Variants in VPS8 observed in about 807,000 individuals in gnomAD.
VPS8 encodes the protein VPS8 subunit of CORVET complex.
VPS8 carries 129 observed loss-of-function variants against 216.4 expected under a neutral mutation model. The ratio of observed to expected loss-of-function variants is 0.60; its 90% CI spans 0.52 to 0.69. The LOEUF (loss-of-function observed/expected upper bound fraction) is 0.69. VPS8 is among the 30% of genes least tolerant of loss of function. The pLI, the probability that VPS8 is intolerant of heterozygous loss-of-function variation, is 0.00. For synonymous variants in VPS8, 571 were observed against 565.4 expected, an observed-to-expected ratio of 1.01 and a Z score of -0.14; for missense variants, 1,531 against 1,683.5, an observed-to-expected ratio of 0.91 and a Z score of 1.59.
intron 40 of VPS8, 86 bp from the exon 41 acceptor site, chr3:184,982,479 AC>A: frequency 1.1e-6 from 1 of 938,812 alleles, no homozygotes; most frequent in Non-Finnish European, 1.7e-6. Flanking sequence ...AACCTGTAAA[AC>A]ATCATGCTGA....
At chr3:185,041,683 G>T (rs1471480257) in intron 46 of VPS8, among the ~76,000 whole-genome samples, 1 of 152,188 alleles carries the variant, frequency 6.6e-6, no homozygotes, top group African/African-American at 2.4e-5. Flanking sequence ...TCAGTAGGCC[G>T]TTCTTAATTG....
intron 29 of VPS8, among the ~76,000 whole-genome samples, chr3:184,920,560 G>A (rs547609932): frequency 5.3e-5 from 8 of 152,300 alleles, no homozygotes; most frequent in African/African-American, 1.9e-4. Context: ...ACTTCACTTT[G>A]TTGCTAAGGC....
intron 29 of VPS8, among the ~76,000 whole-genome samples, chr3:184,921,235 T>C (rs1278406002): frequency 6.6e-6 from 1 of 152,220 alleles, no homozygotes; most frequent in African/African-American, 2.4e-5. Flanking sequence ...ATTTTTCTCA[T>C]AGAAGTCTGG....
chr3:184,833,568 T>C (rs1720453787), intron 4 of VPS8, among the ~76,000 whole-genome samples: 1 of 152,170 alleles, frequency 6.6e-6, no homozygotes, highest in Non-Finnish European at 1.5e-5. Flanking sequence ...TTAAAAGATA[T>C]GGTATCATCT....
intron 1 of VPS8, 174 bp downstream of exon 1, chr3:184,812,399 A>G (rs1715318848): frequency 6.6e-6 from 1 of 152,020 alleles, no homozygotes; most frequent in South Asian, 2.1e-4. Flanking sequence ...ACCGGACCCG[A>G]GCCACGGGCC....
intron 37 of VPS8, among the ~76,000 whole-genome samples, chr3:184,961,721 CT>C (rs34091156): frequency 0.098 from 14,157 of 143,802 alleles, 2,182 homozygotes; most frequent in African/African-American, 0.33. Flanking sequence ...TATAAGTTGC[CT>C]TTTTTTTTTT....
intron 46 of VPS8, among the ~76,000 whole-genome samples, chr3:185,047,344 G>A (rs1053335963): frequency 6.6e-6 from 1 of 151,086 alleles, no homozygotes; most frequent in Admixed American, 6.6e-5. Context: ...TGTAGCTATA[G>A]TCATTATCCC....
chr3:184,879,074 A>G (rs1181173494), intron 21 of VPS8, among the ~76,000 whole-genome samples: 1 of 152,180 alleles, frequency 6.6e-6, no homozygotes, highest in Non-Finnish European at 1.5e-5. Context: ...TGCATCTGTT[A>G]TTTCTTTTCA....
At chr3:184,859,696 T>A (rs1725915997) in intron 14 of VPS8, among the ~76,000 whole-genome samples, 1 of 152,226 alleles carries the variant, frequency 6.6e-6, no homozygotes, top group African/African-American at 2.4e-5. Context: ...ATTGATGTGA[T>A]AAAGTTAGGT....
intron 22 of VPS8, among the ~76,000 whole-genome samples, chr3:184,888,040 T>G (rs1189703322): frequency 6.6e-6 from 1 of 150,918 alleles, no homozygotes; most frequent in Non-Finnish European, 1.5e-5. Flanking sequence ...CAGGCTGGAG[T>G]GCAGTGGCGT....
intron 45 of VPS8, among the ~76,000 whole-genome samples, chr3:185,020,563 C>G (rs1057393471): frequency 6.6e-6 from 1 of 151,780 alleles, no homozygotes; most frequent in Non-Finnish European, 1.5e-5. Flanking sequence ...CTGGACCTCC[C>G]GGGCTCAAGC....
intron 43 of VPS8, among the ~76,000 whole-genome samples, chr3:184,994,318 A>G (rs1218790118): frequency 2.0e-5 from 3 of 152,042 alleles, no homozygotes; most frequent in Non-Finnish European, 4.4e-5. Context: ...TCCAGGCAAC[A>G]TAGCAAGACT....
rs901061427 is a variant in VPS8 at position 185,051,998 on chromosome 3, C to T, written c.4260C>T (p.Leu1420=). 2.7e-5 allele frequency: 43 copies of T among 1,613,074 alleles called. No individual in the cohort carries two copies. The highest frequency in any genetic ancestry group is 3.6e-5 in the Non-Finnish European group (42 of 1,179,628). Residue 1420 remains leucine (L), a synonymous_variant, in exon 48 of 48, where the codon CTC becomes CTT. Coordinates refer to ENST00000625842, the MANE Select transcript of VPS8 (RefSeq NM_001009921.3). ...AGAATGAGAACTTCCAGCTGCAGCTCATTCCTCCACCTGTGACTGAGGATT... is the reference window on the plus strand; with the variant it reads ...AGAATGAGAACTTCCAGCTGCAGCTTATTCCTCCACCTGTGACTGAGGATT... ...IFQNENFQLQ[L]IPPPVTED
chr3:184,886,894 T>G (rs2108878252), intron 22 of VPS8, among the ~76,000 whole-genome samples: 1 of 152,332 alleles, frequency 6.6e-6, no homozygotes, highest in Non-Finnish European at 1.5e-5. Context: ...TATATGCTTT[T>G]ATGAACCATC....
Position 184,838,708 on chromosome 3 carries a change from A to G in VPS8, c.448-6A>G, listed in dbSNP as rs1721569722. On this transcript the variant is annotated splice_region_variant and splice_polypyrimidine_tract_variant and intron_variant, in intron 5 of 47. Transcript: ENST00000625842. The stretch of plus-strand genomic sequence containing the variant: ...TTTCAAATACTTTCTTTAAAATTTC[A>G]TTTAGGACAAAGTAGATGCTGGCTT... 6.5e-7 allele frequency: 1 copy of G among 1,538,288 alleles called. No homozygotes were observed. Among genetic ancestry groups the G allele is most frequent in the Non-Finnish European group, 8.7e-7 (1 of 1,143,036 alleles).
intron 22 of VPS8, among the ~76,000 whole-genome samples, chr3:184,891,089 T>C (rs1383307686): frequency 6.6e-6 from 1 of 152,148 alleles, no homozygotes; most frequent in African/African-American, 2.4e-5. Context: ...TATGTGATTA[T>C]ATGTGAATTA....
At chr3:185,050,840 G>A (rs1210060896) in intron 47 of VPS8, among the ~76,000 whole-genome samples, 1 of 152,090 alleles carries the variant, frequency 6.6e-6, no homozygotes, top group African/African-American at 2.4e-5. Flanking sequence ...TGGCCTCCAT[G>A]TGAGCCTACA....
intron 46 of VPS8, among the ~76,000 whole-genome samples, chr3:185,036,353 T>C (rs1034202273): frequency 1.3e-5 from 2 of 152,148 alleles, no homozygotes; most frequent in Non-Finnish European, 2.9e-5. Context: ...ATACCTGACT[T>C]CAAACTATAC....
intron 24 of VPS8, 94 bp from the exon 25 acceptor site, chr3:184,900,827 A>G: frequency 1.9e-6 from 2 of 1,063,818 alleles, no homozygotes; most frequent in East Asian, 2.5e-5. Context: ...GACTAATTCC[A>G]TTAGCGAATG....
Sources: allele counts gnomAD v4.1 joint callset (sites outside exome capture counted in the v4.1 genomes callset), GRCh38; gene constraint gnomAD v4.1.1; transcripts MANE v1.5; gene names NCBI Gene and HGNC (gene_info 2026-07-23, HGNC 2026-07-21).